Variants in SCNN1G observed in about 807,000 individuals in gnomAD.
The protein encoded by SCNN1G is epithelial sodium channel subunit gamma.
A neutral mutation model predicts 64.6 loss-of-function variants in SCNN1G; 27 were observed. The observed-to-expected ratio is 0.42, with a 90% CI of 0.31 to 0.58. SCNN1G has a LOEUF of 0.58. SCNN1G is among the 20% of genes least tolerant of loss of function. The pLI, the probability that SCNN1G is intolerant of heterozygous loss-of-function variation, is 0.18. For missense variants in SCNN1G, 743 were observed against 823.4 expected, an observed-to-expected ratio of 0.90 and a Z score of 1.19; for synonymous variants, 330 against 314.2, an observed-to-expected ratio of 1.05 and a Z score of -0.53.
intron 1 of SCNN1G, among the ~76,000 whole-genome samples, chr16:23,183,689 C>T (rs1959558574): frequency 6.9e-6 from 1 of 145,244 alleles, no homozygotes; most frequent in Admixed American, 7.3e-5. Context: ...AGTAATAGCA[C>T]CTCATATAAC....
intron 11 of SCNN1G, 81 bp downstream of exon 11, chr16:23,213,244 C>A: frequency 1.2e-6 from 1 of 836,242 alleles, no homozygotes; most frequent in Non-Finnish European, 2.0e-6. Context: ...TGTGTATGGC[C>A]AAATCCTCTT....
In SCNN1G at chr16:23,190,831, A is replaced by ATTTTTT. The variant is rs896029487; in HGVS notation, c.618+1185_618+1190dup. On this transcript the variant is annotated intron_variant, in intron 3 of 12. Transcript: ENST00000300061. ...TTCCCTTTTGGTCCCATTTGAGGGG[A>ATTTTTT]TTTTTTTTTTTTTTTTTTTTTTTTT... Among the ~76,000 whole-genome samples the ATTTTTT allele has an allele frequency of 5.9e-4, 33 of 56,248 alleles. 1 individual carries two copies. Among genetic ancestry groups the ATTTTTT allele is most frequent in the South Asian group, 3.3e-3 (3 of 908 alleles). 36.9% of individuals were successfully genotyped at this position (56,248 alleles called of 152,430 possible). A position where few individuals can be genotyped will look rare whatever the true frequency, so the allele number is the denominator to read the frequency against.
chr16:23,185,895 C>G (rs1959597675), intron 1 of SCNN1G, among the ~76,000 whole-genome samples: 1 of 152,162 alleles, frequency 6.6e-6, no homozygotes, highest in African/African-American at 2.4e-5. Context: ...GATGGGGCTG[C>G]TTCCAGAGTT....
intron 3 of SCNN1G, among the ~76,000 whole-genome samples, chr16:23,190,219 T>C (rs1366576813): frequency 1.3e-5 from 2 of 151,976 alleles, no homozygotes. Context: ...CTGCATGTTC[T>C]GCACATGTAT....
chr16:23,204,326 TATATATATAGAG>T (rs1189778470), intron 6 of SCNN1G, among the ~76,000 whole-genome samples: 81 of 56,166 alleles, frequency 1.4e-3, no homozygotes, highest in African/African-American at 2.4e-3. Context: ...TATATATATA[TATATATATAGAG>T]AGAGAGAGAG....
chr16:23,214,417 C>T (rs1960127362), intron 11 of SCNN1G, among the ~76,000 whole-genome samples: 1 of 152,214 alleles, frequency 6.6e-6, no homozygotes, highest in Admixed American at 6.5e-5. Flanking sequence ...CAATCAATTA[C>T]AAATGTCAAT....
chr16:23,208,108 T>G (rs1362457941), intron 6 of SCNN1G, among the ~76,000 whole-genome samples: 3 of 152,250 alleles, frequency 2.0e-5, no homozygotes, highest in Non-Finnish European at 4.4e-5. Flanking sequence ...CACCCCCATT[T>G]TTGCTTGTTT....
chr16:23,204,329 A>G (rs1214146460), intron 6 of SCNN1G, among the ~76,000 whole-genome samples: 4 of 95,228 alleles, frequency 4.2e-5, no homozygotes, highest in African/African-American at 1.6e-4. Flanking sequence ...ATATATATAT[A>G]TATATAGAGA....
chr16:23,215,021 A>G, intron 12 of SCNN1G, 68 bp from the exon 13 acceptor site: 2 of 1,588,484 alleles, frequency 1.3e-6, no homozygotes, highest in Non-Finnish European at 1.7e-6. Context: ...CTTGGGAATC[A>G]GGGTTCCTGT....
chr16:23,193,363 T>C (rs1346455877), intron 4 of SCNN1G, among the ~76,000 whole-genome samples: 1 of 152,152 alleles, frequency 6.6e-6, no homozygotes, highest in Non-Finnish European at 1.5e-5. Flanking sequence ...AAAGTGTTCC[T>C]GGGCTGGGCA....
chr16:23,208,865 A>T (rs1359683107), intron 6 of SCNN1G, among the ~76,000 whole-genome samples: 1 of 151,322 alleles, frequency 6.6e-6, no homozygotes, highest in East Asian at 2.0e-4. Context: ...GTCTCCCAAA[A>T]TGCTGGGATT....
At chr16:23,198,350 T>C (rs1163863883) in intron 6 of SCNN1G, among the ~76,000 whole-genome samples, 1 of 152,200 alleles carries the variant, frequency 6.6e-6, no homozygotes, top group East Asian at 1.9e-4. Flanking sequence ...CCACTGCTTA[T>C]GGAGTTTTCT....
intron 2 of SCNN1G, among the ~76,000 whole-genome samples, chr16:23,187,166 T>A (rs1959624293): frequency 6.7e-6 from 1 of 148,828 alleles, no homozygotes; most frequent in African/African-American, 2.5e-5. Context: ...TGGAGTGCAG[T>A]GGTGCAATCA....
At chr16:23,193,211 T>A (rs778770129) in intron 4 of SCNN1G, among the ~76,000 whole-genome samples, 18 of 150,944 alleles carry the variant, frequency 1.2e-4, no homozygotes, top group Admixed American at 1.1e-3. Flanking sequence ...CTAAGAACCA[T>A]CGTTCTAAGG....
At chr16:23,213,206 G>GC in intron 11 of SCNN1G, 43 bp downstream of exon 11, 1 of 1,370,766 alleles carries the variant, frequency 7.3e-7, no homozygotes, top group Non-Finnish European at 1.0e-6. Flanking sequence ...TCCCACCACA[G>GC]CCCCCAGCCT....
At chr16:23,212,244 CT>C in intron 8 of SCNN1G, 93 bp downstream of exon 8, 2 of 831,592 alleles carry the variant, frequency 2.4e-6, no homozygotes, top group South Asian at 2.7e-5. Context: ...CCCCTGTTGC[CT>C]TTTGCGTGAG....
chr16:23,201,134 C>G (rs1959882037), intron 6 of SCNN1G, among the ~76,000 whole-genome samples: 1 of 152,208 alleles, frequency 6.6e-6, no homozygotes, highest in South Asian at 2.1e-4. Context: ...GCAACTCATT[C>G]TTTTGTTCAC....
chr16:23,195,317 A>G (rs1959778322), intron 5 of SCNN1G, among the ~76,000 whole-genome samples: 1 of 152,116 alleles, frequency 6.6e-6, no homozygotes, highest in Non-Finnish European at 1.5e-5. Flanking sequence ...TGCTGCTACT[A>G]CCCTCAAAAT....
chr16:23,192,188 C>G (rs1405972477), intron 3 of SCNN1G, among the ~76,000 whole-genome samples, 164 bp from the exon 4 acceptor site: 1 of 152,118 alleles, frequency 6.6e-6, no homozygotes, highest in African/African-American at 2.4e-5. Context: ...TGAGGATGAT[C>G]ACTCCCAACC....
Sources: gnomAD v4.1 joint callset for allele counts (sites outside exome capture counted in the v4.1 genomes callset) on GRCh38, gnomAD v4.1.1 for gene constraint, MANE v1.5 for transcripts, NCBI Gene and HGNC (gene_info 2026-07-23, HGNC 2026-07-21) for gene names.